The following CNTN6 variants were observed in gnomAD, a reference collection of about 807,000 sequenced individuals.
CNTN6 encodes contactin 6.
CNTN6 carries 137 observed loss-of-function variants against 122.8 expected under a neutral mutation model. The ratio of observed to expected loss-of-function variants is 1.12; its 90% CI spans 0.97 to 1.29. The LOEUF (loss-of-function observed/expected upper bound fraction) is 1.29. CNTN6 is among the 50% of genes most tolerant of loss of function. The probability of loss-of-function intolerance (pLI) is 0.00; values close to 1 mark genes in which losing one functional copy is unlikely to be tolerated. For missense variants in CNTN6, 1,634 were observed against 1,223.4 expected, an observed-to-expected ratio of 1.34 and a Z score of -5.01; for synonymous variants, 570 against 426.0, an observed-to-expected ratio of 1.34 and a Z score of -4.16.
At chr3:1,350,121 G>A (rs2126067702) in intron 11 of CNTN6, among the ~76,000 whole-genome samples, 1 of 151,906 alleles carries the variant, frequency 6.6e-6, no homozygotes, top group East Asian at 1.9e-4. Flanking sequence ...TCAGATTAAA[G>A]TTTAATAGTA....
chr3:1,368,724 G>A (rs376602607), intron 12 of CNTN6, among the ~76,000 whole-genome samples: 43 of 152,052 alleles, frequency 2.8e-4, no homozygotes, highest in East Asian at 2.1e-3. Context: ...TTATTATATC[G>A]TATAAAATTA....
chr3:1,387,525 T>A (rs531118352), intron 20 of CNTN6, among the ~76,000 whole-genome samples: 8 of 152,312 alleles, frequency 5.3e-5, no homozygotes, highest in African/African-American at 1.9e-4. Context: ...TCTAGTTGAC[T>A]GAGAGATGCC....
intron 1 of CNTN6, among the ~76,000 whole-genome samples, chr3:1,102,682 G>C (rs6798502): frequency 0.08 from 11,728 of 145,980 alleles, 1,442 homozygotes; most frequent in African/African-American, 0.27. Flanking sequence ...GAGCAGAGAT[G>C]GCGCCACCGC....
intron 1 of CNTN6, among the ~76,000 whole-genome samples, chr3:1,110,936 G>A (rs946963212): frequency 6.6e-6 from 1 of 152,138 alleles, no homozygotes; most frequent in Non-Finnish European, 1.5e-5. Flanking sequence ...AGGCACACCT[G>A]GATTTGAATA....
chr3:1,265,313 T>G (rs1022282631), intron 4 of CNTN6, among the ~76,000 whole-genome samples: 32 of 152,188 alleles, frequency 2.1e-4, no homozygotes, highest in African/African-American at 7.7e-4. Context: ...ACCTAGTCAC[T>G]GTTCTCTGGA....
At chr3:1,271,601 G>A (rs2095028482) in intron 4 of CNTN6, among the ~76,000 whole-genome samples, 1 of 152,122 alleles carries the variant, frequency 6.6e-6, no homozygotes, top group Non-Finnish European at 1.5e-5. Flanking sequence ...CAGATACAGG[G>A]AGAGATGTAA....
intron 11 of CNTN6, among the ~76,000 whole-genome samples, chr3:1,343,874 T>G (rs536248798): frequency 1.6e-4 from 25 of 152,292 alleles, no homozygotes; most frequent in Non-Finnish European, 3.1e-4. Flanking sequence ...TTCAAAGTGA[T>G]CTGACTTTAG....
chr3:1,270,815 T>A (rs1252081785), intron 4 of CNTN6, among the ~76,000 whole-genome samples: 1 of 152,218 alleles, frequency 6.6e-6, no homozygotes, highest in East Asian at 1.9e-4. Context: ...TGGGTGACTT[T>A]CTAGATAGAG....
intron 2 of CNTN6, among the ~76,000 whole-genome samples, chr3:1,172,735 A>G (rs78161709): frequency 6.6e-6 from 1 of 152,132 alleles, no homozygotes; most frequent in Non-Finnish European, 1.5e-5. Context: ...CCAGTGGATC[A>G]CATATTCTTG....
intron 12 of CNTN6, among the ~76,000 whole-genome samples, chr3:1,365,436 TAAA>T (rs543999966): frequency 3.9e-5 from 6 of 152,152 alleles, no homozygotes; most frequent in Admixed American, 2.0e-4. Flanking sequence ...GCATGTTAAA[TAAA>T]AACACATATA....
At chr3:1,189,820 C>G (rs1050070938) in intron 2 of CNTN6, among the ~76,000 whole-genome samples, 2 of 152,198 alleles carry the variant, frequency 1.3e-5, no homozygotes, top group African/African-American at 2.4e-5. Context: ...TAAAGTGACT[C>G]TCCTCCACCA....
chr3:1,166,521 T>C (rs1468780262), intron 2 of CNTN6, among the ~76,000 whole-genome samples: 1 of 152,056 alleles, frequency 6.6e-6, no homozygotes, highest in Non-Finnish European at 1.5e-5. Flanking sequence ...AAAATACAAG[T>C]TTTTAAAATT....
chr3:1,240,661 A>G (rs2094470641), intron 4 of CNTN6, among the ~76,000 whole-genome samples: 1 of 151,924 alleles, frequency 6.6e-6, no homozygotes, highest in Non-Finnish European at 1.5e-5. Context: ...TGATCCAGCA[A>G]TCCCACTACT....
At chr3:1,289,931 C>T (rs1398778736) in intron 5 of CNTN6, among the ~76,000 whole-genome samples, 1 of 152,150 alleles carries the variant, frequency 6.6e-6, no homozygotes, top group Admixed American at 6.5e-5. Flanking sequence ...GCCTCGGCCT[C>T]CCAAAGTGCT....
At chr3:1,194,289 A>G (rs1297558239) in intron 2 of CNTN6, among the ~76,000 whole-genome samples, 1 of 152,162 alleles carries the variant, frequency 6.6e-6, no homozygotes, top group Non-Finnish European at 1.5e-5. Context: ...GATATCTCTT[A>G]GAGAAATGGA....
At chr3:1,290,093 A>G (rs145989964) in intron 5 of CNTN6, among the ~76,000 whole-genome samples, 272 of 152,296 alleles carry the variant, frequency 1.8e-3, no homozygotes, top group Non-Finnish European at 3.1e-3. Flanking sequence ...TTACTGAATC[A>G]CAGAGTCTGA....
intron 22 of CNTN6, 30 bp downstream of exon 22, chr3:1,402,516 T>A: frequency 6.4e-7 from 1 of 1,569,342 alleles, no homozygotes. Flanking sequence ...CTGTAGTAGA[T>A]TCTGAACCTA....
chr3:1,400,798 G>T (rs9880762), intron 20 of CNTN6, among the ~76,000 whole-genome samples: 1 of 151,890 alleles, frequency 6.6e-6, no homozygotes, highest in South Asian at 2.1e-4. Context: ...GAATGACAAA[G>T]AGGTACTCTC....
intron 1 of CNTN6, among the ~76,000 whole-genome samples, chr3:1,114,758 T>C (rs978527042): frequency 3.9e-5 from 6 of 152,126 alleles, no homozygotes; most frequent in African/African-American, 1.4e-4. Context: ...GGTCATCCCA[T>C]AAAATGACTC....
Sources: gnomAD v4.1 joint callset for allele counts (sites outside exome capture counted in the v4.1 genomes callset) on GRCh38, gnomAD v4.1.1 for gene constraint, MANE v1.5 for transcripts, NCBI Gene and HGNC (gene_info 2026-07-23, HGNC 2026-07-21) for gene names.